Variants in ZMYM4 observed in about 807,000 individuals in gnomAD.
ZMYM4 encodes zinc finger MYM-type protein 4.
ZMYM4 carries 31 observed loss-of-function variants against 183.2 expected under a neutral mutation model. That is an observed-to-expected ratio of 0.17 (90% CI 0.13 to 0.23). The LOEUF (loss-of-function observed/expected upper bound fraction) is 0.23. Ranked by LOEUF, ZMYM4 falls within the 10% of genes least tolerant of loss-of-function variation. The pLI is 1.00. For missense variants in ZMYM4, 1,273 were observed against 1,840.3 expected (o/e 0.69, Z 5.64); for synonymous variants, 592 against 631.2 (o/e 0.94, Z 0.93).
At chr1:35,400,844 C>T (rs1403773129) in intron 23 of ZMYM4, among the ~76,000 whole-genome samples, 1 of 152,224 alleles carries the variant, frequency 6.6e-6, no homozygotes, top group Non-Finnish European at 1.5e-5. Context: ...TCTGAAATTT[C>T]ACATGAATGG....
At position 35,387,035 on chromosome 1, in the gene ZMYM4, T is replaced by C; in HGVS notation, c.1869T>C (p.Ser623=). ...NLFNKPTGMN[S]SVVPLSQGQV... is the part of the protein sequence containing the mutation. ...TCAACAAACCAACTGGAATGAATTC[T>C]TCAGTAGTGCCCTTGTCTCAGGGCC... is the stretch of plus-strand genomic sequence containing the variant. Residue 623 remains serine, a synonymous_variant, in exon 12 of 30, where the codon TCT becomes TCC. Transcript: ENST00000314607. 1 of 1,614,208 alleles carries C rather than the reference T, an allele frequency of 6.2e-7. No individual in the cohort carries two copies. Among genetic ancestry groups the C allele is most frequent in the Non-Finnish European group, 8.5e-7 (1 of 1,180,026 alleles).
chr1:35,371,271 A>G (rs1308939870), intron 7 of ZMYM4, among the ~76,000 whole-genome samples: 2 of 151,886 alleles, frequency 1.3e-5, no homozygotes, highest in South Asian at 2.1e-4. Context: ...GCCCGCCACC[A>G]TGCCCAGCTA....
Position 35,389,781 on chromosome 1 carries a change from A to ATATGTGTGTGTGTGTGTG in ZMYM4, c.2437-166_2437-165insATGTGTGTGTGTGTGTGT, listed in dbSNP as rs1553179061. ...AAAAAAAAAAAAAATATATATATATATGTGTGTGTGTGTGTGTGTGTGTGT... is the reference window on the plus strand; with the variant it reads ...AAAAAAAAAAAAAATATATATATATATATGTGTGTGTGTGTGTGTGTGTGTGTGTGTGTGTGTGTGTGT... On this transcript the variant is annotated intron_variant, in intron 14 of 29. Coordinates refer to ENST00000314607, the MANE Select transcript of ZMYM4 (RefSeq NM_005095.3). This position sits in a 1 kb window ranked among gnomAD's most constrained non-coding sequence, Gnocchi z 4.0. 1.1e-3 allele frequency among the ~76,000 whole-genome samples: 152 copies of ATATGTGTGTGTGTGTGTG among 141,442 alleles called. No homozygotes were observed. Among genetic ancestry groups the ATATGTGTGTGTGTGTGTG allele is most frequent in the African/African-American group, 3.9e-3 (148 of 37,632 alleles). The allele number at this position is 141,442 out of a possible 152,430, so 92.8% of individuals were successfully genotyped here.
intron 1 of ZMYM4, among the ~76,000 whole-genome samples, chr1:35,282,899 A>G (rs1640248404): frequency 7.3e-6 from 1 of 136,942 alleles, no homozygotes; most frequent in Non-Finnish European, 1.5e-5. Context: ...GGGCTATAAC[A>G]TTTTCCATTT....
In ZMYM4 at chr1:35,355,200, C is replaced by CTTTTTTTTTTTTT. The variant is rs1013941289; in HGVS notation, c.86-3710_86-3698dup. On this transcript the variant is annotated intron_variant, in intron 2 of 29. Transcript: ENST00000314607. ...AGGTGCCCGTCACCACGCCTGGCTT[C>CTTTTTTTTTTTTT]TTTTTTTTTTTTTTTTTTTTTTTTT... 3.4e-4 allele frequency among the ~76,000 whole-genome samples: 26 copies of CTTTTTTTTTTTTT among 77,188 alleles called. 1 individual carries two copies. The East Asian group carries it at 3.9e-3, about 11-fold the overall frequency. 50.6% of individuals were successfully genotyped at this position (77,188 alleles called of 152,430 possible).
intron 1 of ZMYM4, among the ~76,000 whole-genome samples, chr1:35,283,489 C>G (rs1301594792): frequency 6.6e-6 from 1 of 151,530 alleles, no homozygotes; most frequent in Non-Finnish European, 1.5e-5. Context: ...AGGCGCCCAC[C>G]ACCACACCCG....
At chr1:35,352,935 C>T (rs1294743170) in intron 2 of ZMYM4, among the ~76,000 whole-genome samples, 2 of 152,184 alleles carry the variant, frequency 1.3e-5, no homozygotes, top group Non-Finnish European at 2.9e-5. Context: ...GGCCAGTCTT[C>T]TCTTAACTAC....
chr1:35,381,683 A>G lies in ZMYM4; in HGVS notation c.1494A>G (p.Gly498=), dbSNP rs1357018529. The G allele has an allele frequency of 6.2e-7, 1 of 1,614,246 alleles. No individual in the cohort carries two copies. The highest frequency in any genetic ancestry group is 1.1e-5 in the South Asian group (1 of 91,088). ...NCGGYCYSGS[G]QCHMLQIEGQ... ...GGGGTTACTGTTACAGTGGGTCGGG[A>G]CAATGCCACATGCTTCAGATAGAGG... Residue 498 remains glycine (G), a synonymous_variant, in exon 9 of 30, where the codon GGA becomes GGG. Transcript: ENST00000314607.
chr1:35,352,271 A>G (rs6425944), intron 2 of ZMYM4, among the ~76,000 whole-genome samples: 981 of 4,114 alleles, frequency 0.24, 21 homozygotes, highest in South Asian at 0.47. Flanking sequence ...GCGCGCGCGC[A>G]CACACACACA....
chr1:35,351,211 G>A, intron 2 of ZMYM4: 3 of 1,421,980 alleles, frequency 2.1e-6, no homozygotes, highest in South Asian at 2.3e-5. Flanking sequence ...ACCCTGAAGG[G>A]CGCTGTGGAT....
chr1:35,409,665 G>T (rs938499231), intron 26 of ZMYM4, among the ~76,000 whole-genome samples: 1 of 152,018 alleles, frequency 6.6e-6, no homozygotes, highest in African/African-American at 2.4e-5. Context: ...TTCTTGGCTG[G>T]GTGCGGTGGC....
intron 1 of ZMYM4, among the ~76,000 whole-genome samples, chr1:35,302,174 T>C (rs1030263342): frequency 1.3e-5 from 2 of 150,018 alleles, no homozygotes; most frequent in African/African-American, 5.0e-5. Flanking sequence ...ATTTTTGTAT[T>C]ATCCACAAGC....
intron 2 of ZMYM4, among the ~76,000 whole-genome samples, chr1:35,358,013 T>C (rs1208718491): frequency 6.6e-6 from 1 of 152,182 alleles, no homozygotes; most frequent in African/African-American, 2.4e-5. Context: ...ATTTTATCCA[T>C]GAGGGATATG....
chr1:35,396,575 A>G lies in ZMYM4; in HGVS notation c.2935A>G (p.Ile979Val), dbSNP rs543316974. The change falls in exon 19 of 30, where the codon ATT (isoleucine) becomes GTT (valine). Residue 979 changes from isoleucine (I) to valine (V), a missense_variant. Coordinates refer to ENST00000314607, the MANE Select transcript of ZMYM4 (RefSeq NM_005095.3). ...QTEDTPSQPQIIVVPVPVPVF... is the reference protein window; with the variant it reads ...QTEDTPSQPQVIVVPVPVPVF... ...AGAAGACACTCCAAGTCAGCCCCAG[A>G]TTATTGTGGTGCCAGTTCCCGTACC... The G allele has an allele frequency of 1.9e-6, 3 of 1,613,766 alleles. No homozygotes were observed. The highest frequency in any genetic ancestry group is 3.3e-5 in the Admixed American group (2 of 59,998).
chr1:35,352,543 C>T (rs72897127), intron 2 of ZMYM4, among the ~76,000 whole-genome samples: 1 of 152,152 alleles, frequency 6.6e-6, no homozygotes, highest in Non-Finnish European at 1.5e-5. Flanking sequence ...CTCTCAATCT[C>T]TATTGGGATC....
At chr1:35,347,584 G>A (rs1643446182) in intron 2 of ZMYM4, among the ~76,000 whole-genome samples, 1 of 151,946 alleles carries the variant, frequency 6.6e-6, no homozygotes, top group Admixed American at 6.6e-5. Flanking sequence ...ACAGATTCTT[G>A]TTTATCTGAA....
At chr1:35,304,859 A>G (rs1641458910) in intron 1 of ZMYM4, among the ~76,000 whole-genome samples, 1 of 141,186 alleles carries the variant, frequency 7.1e-6, no homozygotes, top group South Asian at 2.3e-4. Context: ...ATTTTTTATT[A>G]TTTTTTAGAC....
intron 2 of ZMYM4, chr1:35,351,455 T>C (rs1643603792): frequency 5.1e-6 from 8 of 1,573,072 alleles, no homozygotes. Flanking sequence ...CTCATGCTGC[T>C]ATACGAGAGA....
intron 1 of ZMYM4, among the ~76,000 whole-genome samples, chr1:35,295,768 C>T (rs1640976712): frequency 6.6e-6 from 1 of 152,182 alleles, no homozygotes; most frequent in Non-Finnish European, 1.5e-5. Flanking sequence ...CCCAGTCTGT[C>T]CTCAGTCAAG....
Sources: allele counts gnomAD v4.1 joint callset (sites outside exome capture counted in the v4.1 genomes callset), GRCh38; gene constraint gnomAD v4.1.1; non-coding constraint Gnocchi (gnomAD v3.1); transcripts MANE v1.5; gene names NCBI Gene and HGNC (gene_info 2026-07-23, HGNC 2026-07-21).